PAK3: variants seen among roughly 807,000 people sequenced by gnomAD.
PAK3 encodes the protein p21 (RAC1) activated kinase 3.
PAK3 carries 4 observed loss-of-function variants against 41.0 expected under a neutral mutation model. The observed-to-expected ratio is 0.10, with a 90% confidence interval of 0.05 to 0.22. The LOEUF is 0.22. Among genes scored for constraint, PAK3 ranks in the 10% least tolerant of loss-of-function variants. PAK3 has a pLI of 1.00. For missense variants in PAK3, 205 were observed against 409.9 expected (o/e 0.50, Z 4.32); for synonymous variants, 146 against 139.6 (o/e 1.05, Z -0.32).
chrX:111,197,900 G>A (rs1353682326), intron 16 of PAK3, among the ~76,000 whole-genome samples: 2 of 111,585 alleles, frequency 1.8e-5, no homozygotes, highest in Non-Finnish European at 3.8e-5. Context: ...TCACCATGTT[G>A]GCCAGGCTGG....
chrX:111,073,202 C>A (rs958528161), intron 1 of PAK3, among the ~76,000 whole-genome samples: 3 of 111,047 alleles, frequency 2.7e-5, no homozygotes, highest in African/African-American at 6.6e-5. Flanking sequence ...ACATAACATA[C>A]CAAAACTTAT....
At chrX:111,196,690 C>A in intron 16 of PAK3, 50 bp downstream of exon 16, 2 of 922,094 alleles carry the variant, frequency 2.2e-6, no homozygotes, top group Non-Finnish European at 3.2e-6. Context: ...AGAGGAAAGG[C>A]CAAATATCAT....
At chrX:110,945,599 G>A (rs1346086812) in intron 1 of PAK3, among the ~76,000 whole-genome samples, 2 of 111,956 alleles carry the variant, frequency 1.8e-5, no homozygotes, top group Non-Finnish European at 3.8e-5. Flanking sequence ...ATTTTAATTA[G>A]CGCATCCTAA....
intron 10 of PAK3, among the ~76,000 whole-genome samples, chrX:111,171,605 T>C (rs1244230337): frequency 9.0e-6 from 1 of 111,707 alleles, no homozygotes; most frequent in African/African-American, 3.2e-5. Context: ...ACATGATAAA[T>C]TAATAGTTTT....
intron 1 of PAK3, among the ~76,000 whole-genome samples, chrX:111,026,762 T>G (rs1232869973): frequency 1.8e-5 from 2 of 110,950 alleles, no homozygotes; most frequent in East Asian, 5.6e-4. Flanking sequence ...TCAGTGCAAT[T>G]CCCATCAAAT....
chrX:111,052,877 G>T (rs1159946014), intron 1 of PAK3, among the ~76,000 whole-genome samples: 2 of 111,906 alleles, frequency 1.8e-5, no homozygotes, highest in Non-Finnish European at 1.9e-5. Context: ...AACCATGTCA[G>T]AAAAGCATGA....
At chrX:110,984,043 T>C (rs2091495443) in intron 1 of PAK3, among the ~76,000 whole-genome samples, 1 of 111,637 alleles carries the variant, frequency 9.0e-6, no homozygotes, top group African/African-American at 3.3e-5. Context: ...ATCATCTCTT[T>C]CCCAAACCAC....
At chrX:111,177,936 T>C (rs1423193750) in intron 11 of PAK3, among the ~76,000 whole-genome samples, 2 of 111,451 alleles carry the variant, frequency 1.8e-5, no homozygotes, top group Non-Finnish European at 3.8e-5. Context: ...TTCAACATTA[T>C]AATAGAAAAA....
At chrX:111,208,782 AT>A (rs1239178619) in intron 16 of PAK3, among the ~76,000 whole-genome samples, 2 of 111,886 alleles carry the variant, frequency 1.8e-5, no homozygotes, top group African/African-American at 6.5e-5. Flanking sequence ...TGGCATTTAC[AT>A]TGTATTAGGT....
chrX:110,945,715 A>G (rs979366419), intron 1 of PAK3, among the ~76,000 whole-genome samples: 1 of 111,925 alleles, frequency 8.9e-6, no homozygotes, highest in Non-Finnish European at 1.9e-5. Flanking sequence ...GTTAGTCATG[A>G]ATTTGATATA....
intron 1 of PAK3, among the ~76,000 whole-genome samples, chrX:111,003,986 C>A (rs753197791): frequency 1.8e-5 from 2 of 112,029 alleles, no homozygotes; most frequent in Non-Finnish European, 3.8e-5. Flanking sequence ...GAAAATAATA[C>A]AACATACCTG....
At chrX:110,945,259 G>A (rs765871009) in intron 1 of PAK3, among the ~76,000 whole-genome samples, 1 of 111,399 alleles carries the variant, frequency 9.0e-6, no homozygotes, top group Admixed American at 9.5e-5. Context: ...GTGTGTCTGC[G>A]CCATGGGGCT....
chrX:110,959,421 G>A lies in PAK3; in HGVS notation c.-28+14793G>A, dbSNP rs12009213. On this transcript the variant is annotated intron_variant, in intron 1 of 14. Coordinates refer to the PAK3 transcript ENST00000425146. Reference sequence around the variant, plus strand: ...CTCTTTACACTCTATCCTCTTTCTCGGGCTTTCCGTCTGTATCCTTTGAGA... The same window carrying A: ...CTCTTTACACTCTATCCTCTTTCTCAGGCTTTCCGTCTGTATCCTTTGAGA... Among the ~76,000 whole-genome samples, 1,043 of 111,026 alleles carry A rather than the reference G, an allele frequency of 9.4e-3. 5 individuals carry two copies. The highest frequency in any genetic ancestry group is 0.025 in the African/African-American group (756 of 30,511).
upstream of PAK3, among the ~76,000 whole-genome samples, chrX:111,094,679 CTTTTTT>C (rs762547955): frequency 4.4e-5 from 2 of 45,085 alleles, no homozygotes; most frequent in Non-Finnish European, 7.7e-5. Context: ...ATCTGTAGCT[CTTTTTT>C]TTTTTTTTTT....
At chrX:111,128,347 A>G (rs2093675710) in intron 5 of PAK3, among the ~76,000 whole-genome samples, 1 of 111,986 alleles carries the variant, frequency 8.9e-6, no homozygotes, top group Non-Finnish European at 1.9e-5. Context: ...GAGGCATAGG[A>G]AGGAATCATT....
At chrX:111,092,433 G>A (rs186169251), upstream of PAK3, among the ~76,000 whole-genome samples, 113 of 111,466 alleles carry the variant, frequency 1.0e-3, no homozygotes, top group African/African-American at 3.3e-3. Flanking sequence ...CATAATACAC[G>A]TGCTGTTCTG....
At chrX:110,995,876 T>C (rs773020894) in intron 1 of PAK3, among the ~76,000 whole-genome samples, 1 of 111,687 alleles carries the variant, frequency 9.0e-6, no homozygotes, top group East Asian at 2.8e-4. Flanking sequence ...CTACCAACAA[T>C]TGAATGCCAG....
At chrX:111,024,782 C>T (rs369380519) in intron 1 of PAK3, among the ~76,000 whole-genome samples, 6 of 111,140 alleles carry the variant, frequency 5.4e-5, no homozygotes, top group African/African-American at 2.0e-4. Context: ...CTAAACTGTA[C>T]CCTACAACAA....
intron 1 of PAK3, among the ~76,000 whole-genome samples, chrX:110,956,829 C>T (rs2090870089): frequency 9.0e-6 from 1 of 111,680 alleles, no homozygotes; most frequent in Middle Eastern, 4.6e-3. Flanking sequence ...GTAAGGCAAC[C>T]AGATGCTGCC....
Sources: allele counts gnomAD v4.1 joint callset (sites outside exome capture counted in the v4.1 genomes callset), GRCh38; gene constraint gnomAD v4.1.1; transcripts MANE v1.5; gene names NCBI Gene and HGNC (gene_info 2026-07-23, HGNC 2026-07-21).